Variants in NCK1 observed in about 807,000 individuals in gnomAD.
NCK1 encodes the protein NCK adaptor protein 1, also known as SH2/SH3 adapter protein NCK1.
A neutral mutation model predicts 36.6 loss-of-function variants in NCK1; 19 were observed. That is an observed-to-expected ratio of 0.52 (90% CI 0.36 to 0.76). The LOEUF (loss-of-function observed/expected upper bound fraction) is 0.76. Among genes scored for constraint, NCK1 ranks in the 30% least tolerant of loss-of-function variants. The probability of loss-of-function intolerance (pLI) is 0.00; values close to 1 mark genes in which losing one functional copy is unlikely to be tolerated. For missense variants in NCK1, 358 were observed against 445.6 expected (o/e 0.80, Z 1.77); for synonymous variants, 165 against 156.0 (o/e 1.06, Z -0.43).
At chr3:136,864,629 G>A (rs947468136) in intron 1 of NCK1, among the ~76,000 whole-genome samples, 58 of 152,328 alleles carry the variant, frequency 3.8e-4, no homozygotes, top group Non-Finnish European at 6.9e-4. Flanking sequence ...GAGGCCAGGA[G>A]TTTGAGATCA....
At chr3:136,900,676 G>A (rs1391391589) in intron 1 of NCK1, among the ~76,000 whole-genome samples, 1 of 151,682 alleles carries the variant, frequency 6.6e-6, no homozygotes, top group African/African-American at 2.4e-5. Flanking sequence ...TTGTTTTATT[G>A]GTATATAGAA....
intron 2 of NCK1, among the ~76,000 whole-genome samples, chr3:136,934,287 C>A (rs555214957): frequency 6.6e-5 from 10 of 150,950 alleles, no homozygotes; most frequent in South Asian, 4.2e-4. Flanking sequence ...CATATTATTT[C>A]TTTCTTTCTT....
In NCK1 at chr3:136,946,301, T is replaced by C; in HGVS notation, c.939+6T>C. ...TTCGTGATAGTGAATCTTCGGTAAG[T>C]TGATTTTCGGAGGTAAATACAAATA... On this transcript the variant is annotated splice_donor_region_variant and intron_variant, in intron 3 of 3. Transcript: ENST00000481752. 1 of 1,596,860 alleles carries C rather than the reference T, an allele frequency of 6.3e-7. No individual in the cohort carries two copies. Among genetic ancestry groups the C allele is most frequent in the Non-Finnish European group, 8.6e-7 (1 of 1,168,524 alleles).
chr3:136,926,066 C>CT (rs1178128926), intron 1 of NCK1, among the ~76,000 whole-genome samples: 2 of 152,050 alleles, frequency 1.3e-5, no homozygotes, highest in African/African-American at 4.8e-5. Flanking sequence ...ATTTGCATTT[C>CT]TTTAATAGCT....
intron 1 of NCK1, among the ~76,000 whole-genome samples, chr3:136,871,561 G>A (rs1057513693): frequency 1.1e-4 from 17 of 152,010 alleles, no homozygotes; most frequent in African/African-American, 1.9e-4. Context: ...GCTCTCTTGC[G>A]CCCCCTCCAA....
At chr3:136,881,247 TCTCA>T (rs1938925191) in intron 1 of NCK1, among the ~76,000 whole-genome samples, 1 of 152,028 alleles carries the variant, frequency 6.6e-6, no homozygotes, top group East Asian at 1.9e-4. Context: ...TGAGATGGAG[TCTCA>T]CTCTGTCACC....
At chr3:136,873,204 G>T (rs1359825900) in intron 1 of NCK1, among the ~76,000 whole-genome samples, 1 of 152,222 alleles carries the variant, frequency 6.6e-6, no homozygotes, top group Non-Finnish European at 1.5e-5. Context: ...AAACCACAGA[G>T]TCAGAGGTGC....
chr3:136,946,101 G>C lies in NCK1; in HGVS notation c.745G>C (p.Val249Leu), dbSNP rs774572688. The C allele has an allele frequency of 1.2e-6, 2 of 1,613,860 alleles. No homozygotes were observed. The highest frequency in any genetic ancestry group is 8.5e-7 in the Non-Finnish European group (1 of 1,179,970). Residue 249 changes from valine (V) to leucine (L), a missense_variant, in exon 3 of 4, where the codon GTT (valine) becomes CTT (leucine). By Grantham distance (32) the Val-to-Leu change is conservative. This residue lies in a region of NCK1 where 207 missense variants were observed against 253.4 expected (regional missense o/e 0.82). Transcript: ENST00000481752. ...TCTAGTACCAAAAAACTATGTTACCGTTATGCAGAATAATCCATTAACTTC... is the reference window on the plus strand; with the variant it reads ...TCTAGTACCAAAAAACTATGTTACCCTTATGCAGAATAATCCATTAACTTC... ...VGLVPKNYVT[V>L]MQNNPLTSGL...
chr3:136,884,721 T>TA (rs963069217), intron 1 of NCK1, among the ~76,000 whole-genome samples: 16 of 148,808 alleles, frequency 1.1e-4, no homozygotes, highest in Non-Finnish European at 1.9e-4. Flanking sequence ...GCCTGAGCTT[T>TA]TTTTTTTTTC....
At position 136,907,320 on chromosome 3, in the gene NCK1, G is replaced by A. The variant is rs182467561; in HGVS notation, c.-18-20664G>A. Reference sequence around the variant, plus strand: ...GGTCTCCAGGGATGTGGAGATGCAGGGTCTGTTGGGTTCCCGGGCATGACA... The same window carrying A: ...GGTCTCCAGGGATGTGGAGATGCAGAGTCTGTTGGGTTCCCGGGCATGACA... On this transcript the variant is annotated intron_variant, in intron 1 of 3. Transcript: ENST00000481752. Among the ~76,000 whole-genome samples, 106 of 152,246 alleles carry A rather than the reference G, an allele frequency of 7.0e-4. 1 individual carries two copies. Among genetic ancestry groups the A allele is most frequent in the South Asian group, 5.2e-3 (25 of 4,830 alleles).
At chr3:136,890,721 T>C (rs1394228170) in intron 1 of NCK1, among the ~76,000 whole-genome samples, 1 of 152,250 alleles carries the variant, frequency 6.6e-6, no homozygotes, top group African/African-American at 2.4e-5. Flanking sequence ...TTTAAAAAGT[T>C]ATTGTGGTAA....
At chr3:136,907,599 C>T (rs1211646197) in intron 1 of NCK1, among the ~76,000 whole-genome samples, 2 of 152,168 alleles carry the variant, frequency 1.3e-5, no homozygotes, top group Admixed American at 1.3e-4. Context: ...TTGCCTCCTC[C>T]TCCTTTCTTG....
intron 1 of NCK1, among the ~76,000 whole-genome samples, chr3:136,902,221 A>T (rs1221103064): frequency 8.1e-6 from 1 of 122,902 alleles, no homozygotes; most frequent in Non-Finnish European, 1.7e-5. Flanking sequence ...TTTTTGAGAC[A>T]GAGTTTTGCT....
At chr3:136,921,930 C>T (rs376886040) in intron 1 of NCK1, among the ~76,000 whole-genome samples, 4 of 152,162 alleles carry the variant, frequency 2.6e-5, no homozygotes, top group Non-Finnish European at 2.9e-5. Flanking sequence ...ACTACAGGCA[C>T]GCACCACCAC....
intron 1 of NCK1, among the ~76,000 whole-genome samples, chr3:136,887,836 T>C (rs1939112280): frequency 6.6e-6 from 1 of 152,250 alleles, no homozygotes; most frequent in African/African-American, 2.4e-5. Context: ...TGCTCAGTGT[T>C]ACACACTGAT....
chr3:136,912,982 A>G (rs1215841672), intron 1 of NCK1, among the ~76,000 whole-genome samples: 1 of 150,158 alleles, frequency 6.7e-6, no homozygotes, highest in Non-Finnish European at 1.5e-5. Context: ...CTATCTCTTT[A>G]CTCATTTTCC....
intron 1 of NCK1, among the ~76,000 whole-genome samples, chr3:136,877,986 A>T (rs1276185667): frequency 1.3e-5 from 2 of 152,246 alleles, no homozygotes; most frequent in Admixed American, 6.5e-5. Context: ...ATTTGGCAGT[A>T]AAAAGGAATA....
intron 2 of NCK1, among the ~76,000 whole-genome samples, chr3:136,938,009 T>C (rs1158312329): frequency 3.9e-5 from 6 of 152,230 alleles, no homozygotes; most frequent in African/African-American, 9.6e-5. Flanking sequence ...ACTTTGTCTT[T>C]CACCATTGAG....
chr3:136,924,362 C>T (rs1304858265), intron 1 of NCK1, among the ~76,000 whole-genome samples: 2 of 152,020 alleles, frequency 1.3e-5, no homozygotes, highest in Admixed American at 6.6e-5. Flanking sequence ...GCCAAATTCA[C>T]GATGTGGGAA....
Sources: gnomAD v4.1 joint callset for allele counts (sites outside exome capture counted in the v4.1 genomes callset) on GRCh38, gnomAD v4.1.1 for gene constraint, gnomAD v4.1.1 regional missense constraint, MANE v1.5 for transcripts, NCBI Gene and HGNC (gene_info 2026-07-23, HGNC 2026-07-21) for gene names.